Variants in EEPD1 observed in about 807,000 individuals in gnomAD.
EEPD1 encodes endonuclease/exonuclease/phosphatase family domain-containing protein 1.
A neutral mutation model predicts 46.3 loss-of-function variants in EEPD1; 17 were observed. The ratio of observed to expected loss-of-function variants is 0.37; its 90% CI spans 0.25 to 0.55. EEPD1 has a LOEUF of 0.55. Ranked by LOEUF, EEPD1 falls within the 20% of genes least tolerant of loss-of-function variation. EEPD1 has a pLI of 0.83. For missense variants in EEPD1, 673 were observed against 745.6 expected (o/e 0.90, Z 1.13); for synonymous variants, 313 against 315.6 (o/e 0.99, Z 0.09).
At chr7:36,226,485 A>G (rs1786233422) in intron 2 of EEPD1, among the ~76,000 whole-genome samples, 1 of 152,220 alleles carries the variant, frequency 6.6e-6, no homozygotes, top group Non-Finnish European at 1.5e-5. Flanking sequence ...TGTTTCCTAC[A>G]TTAATATGAA....
At chr7:36,159,561 G>A (rs2726052) in intron 2 of EEPD1, among the ~76,000 whole-genome samples, 22,575 of 152,252 alleles carry the variant, frequency 0.15, 2,184 homozygotes, top group Non-Finnish European at 0.22. Context: ...CTTTCAAAGC[G>A]GAGGGATTAG....
At chr7:36,217,247 G>A (rs1274838827) in intron 2 of EEPD1, among the ~76,000 whole-genome samples, 1 of 152,272 alleles carries the variant, frequency 6.6e-6, no homozygotes, top group Non-Finnish European at 1.5e-5. Context: ...TGAGTTTTCA[G>A]GGAAAGAGGT....
chr7:36,296,417 T>A (rs1787524552), intron 6 of EEPD1, among the ~76,000 whole-genome samples: 1 of 152,126 alleles, frequency 6.6e-6, no homozygotes, highest in Non-Finnish European at 1.5e-5. Flanking sequence ...CTTGCATAGG[T>A]TCCCTCTCAT....
At chr7:36,284,107 G>A (rs1156958008) in intron 4 of EEPD1, among the ~76,000 whole-genome samples, 1 of 152,180 alleles carries the variant, frequency 6.6e-6, no homozygotes, top group Non-Finnish European at 1.5e-5. Flanking sequence ...CCTCTGCCAT[G>A]GCCCCATCCA....
In EEPD1 at chr7:36,154,388, C is replaced by T. The variant is rs1247626255; in HGVS notation, c.64C>T (p.Arg22Cys). Residue 22 changes from arginine to cysteine, a missense_variant, in exon 2 of 8, where the codon CGC (arginine) becomes TGC (cysteine). Arg to Cys is a radical substitution (Grantham distance 180). Transcript: ENST00000242108. This position sits in a 1 kb window ranked among gnomAD's most constrained non-coding sequence, Gnocchi z 4.2. The part of the protein sequence containing the change: ...PRDPSDLSHS[R>C]KFSAACNFSN... Reference sequence around the variant, plus strand: ...GGACCCCTCGGACCTGTCCCATAGCCGCAAGTTCAGCGCAGCCTGTAACTT... The same window carrying T: ...GGACCCCTCGGACCTGTCCCATAGCTGCAAGTTCAGCGCAGCCTGTAACTT... 2.5e-6 allele frequency: 4 copies of T among 1,614,018 alleles called. No homozygotes were observed. The highest frequency in any genetic ancestry group is 2.2e-5 in the South Asian group (2 of 91,090).
At chr7:36,252,155 A>G (rs1786748388) in intron 3 of EEPD1, among the ~76,000 whole-genome samples, 1 of 152,228 alleles carries the variant, frequency 6.6e-6, no homozygotes, top group African/African-American at 2.4e-5. Flanking sequence ...AAAAAAGAAC[A>G]GAAGTCTTAT....
intron 2 of EEPD1, among the ~76,000 whole-genome samples, chr7:36,232,535 G>T: frequency 6.6e-6 from 1 of 151,284 alleles, no homozygotes; most frequent in Admixed American, 6.6e-5. Flanking sequence ...AATGTCTCTG[G>T]TTTGTTTGTT....
intron 2 of EEPD1, among the ~76,000 whole-genome samples, chr7:36,200,298 C>G (rs1157781582): frequency 6.6e-6 from 1 of 152,152 alleles, no homozygotes; most frequent in Non-Finnish European, 1.5e-5. Flanking sequence ...GTGTTTCTGC[C>G]AAGGACATGA....
chr7:36,223,973 T>A (rs1304224753), intron 2 of EEPD1, among the ~76,000 whole-genome samples: 1 of 152,244 alleles, frequency 6.6e-6, no homozygotes, highest in Non-Finnish European at 1.5e-5. Context: ...TCTTTCTACA[T>A]TTCAGTCTGT....
intron 3 of EEPD1, among the ~76,000 whole-genome samples, chr7:36,267,152 G>C (rs1281507011): frequency 6.6e-6 from 1 of 152,174 alleles, no homozygotes; most frequent in Non-Finnish European, 1.5e-5. Context: ...ACTCACCTCT[G>C]TTACTGCAGT....
intron 6 of EEPD1, among the ~76,000 whole-genome samples, chr7:36,289,289 C>T (rs890247818): frequency 3.3e-5 from 5 of 152,182 alleles, no homozygotes; most frequent in African/African-American, 1.2e-4. Flanking sequence ...ACCTTTTCAT[C>T]TTTCCAAACT....
intron 2 of EEPD1, among the ~76,000 whole-genome samples, chr7:36,219,007 G>A (rs1207665949): frequency 6.6e-6 from 1 of 152,134 alleles, no homozygotes; most frequent in Admixed American, 6.5e-5. Context: ...GGGGTTTCGG[G>A]TTGGTATCTG....
chr7:36,238,055 C>T (rs1429197456), intron 2 of EEPD1, among the ~76,000 whole-genome samples: 1 of 152,154 alleles, frequency 6.6e-6, no homozygotes, highest in Non-Finnish European at 1.5e-5. Flanking sequence ...GGGCAATTCC[C>T]AGAACTGAGG....
At chr7:36,226,527 A>C (rs1424117825) in intron 2 of EEPD1, among the ~76,000 whole-genome samples, 1 of 152,190 alleles carries the variant, frequency 6.6e-6, no homozygotes, top group East Asian at 1.9e-4. Flanking sequence ...AGATCCAAAA[A>C]CATGTTCAGG....
At chr7:36,196,996 G>A (rs7779946) in intron 2 of EEPD1, among the ~76,000 whole-genome samples, 87,333 of 142,370 alleles carry the variant, frequency 0.61, 27,152 homozygotes, top group East Asian at 0.86. Context: ...CCCATCGTCT[G>A]AGATGTGGGG....
At position 36,155,333 on chromosome 7, in the gene EEPD1, C is replaced by T. The variant is rs368502060; in HGVS notation, c.878+131C>T. On this transcript the variant is annotated intron_variant, in intron 2 of 7. Transcript: ENST00000242108. ...GAGTTTTTAATCAATGTTCTTGAAGCCTCAGCCAATACCGTCACCTGAGAA... is the reference window on the plus strand; with the variant it reads ...GAGTTTTTAATCAATGTTCTTGAAGTCTCAGCCAATACCGTCACCTGAGAA... 1.3e-5 allele frequency: 15 copies of T among 1,136,952 alleles called. No homozygotes were observed. The African/African-American group carries it at 2.0e-4, about 16-fold the overall frequency. The allele number at this position is 1,136,952 out of a possible 1,614,324, so 70.4% of individuals were successfully genotyped here. A position where few individuals can be genotyped will look rare whatever the true frequency, so the allele number is the denominator to read the frequency against.
chr7:36,172,118 G>T (rs879629650), intron 2 of EEPD1, among the ~76,000 whole-genome samples: 6 of 152,132 alleles, frequency 3.9e-5, no homozygotes, highest in Non-Finnish European at 5.9e-5. Context: ...GTGGTGTTAT[G>T]ATATACACTG....
intron 2 of EEPD1, among the ~76,000 whole-genome samples, chr7:36,214,112 A>G (rs933393673): frequency 1.3e-5 from 2 of 152,282 alleles, no homozygotes; most frequent in African/African-American, 4.8e-5. Flanking sequence ...AGAAAGAGCA[A>G]GCTGTCTTAG....
chr7:36,239,078 C>G, intron 3 of EEPD1, 42 bp downstream of exon 3: 3 of 1,591,308 alleles, frequency 1.9e-6, no homozygotes, highest in Non-Finnish European at 2.6e-6. Flanking sequence ...AAACCAAGAA[C>G]GGAGGGCCAC....
Sources: allele counts gnomAD v4.1 joint callset (sites outside exome capture counted in the v4.1 genomes callset), GRCh38; gene constraint gnomAD v4.1.1; non-coding constraint Gnocchi (gnomAD v3.1); transcripts MANE v1.5; gene names NCBI Gene and HGNC (gene_info 2026-07-23, HGNC 2026-07-21).